Variants in MTA3 observed in about 807,000 individuals in gnomAD.
The protein encoded by MTA3 is metastasis associated 1 family member 3, also known as metastasis-associated protein MTA3.
Under a neutral mutation model 83.5 loss-of-function variants are expected in MTA3, and 34 were observed. The ratio of observed to expected loss-of-function variants is 0.41; its 90% CI spans 0.31 to 0.54. MTA3 has a LOEUF of 0.54. Among genes scored for constraint, MTA3 ranks in the 20% least tolerant of loss-of-function variants. The pLI, the probability that MTA3 is intolerant of heterozygous loss-of-function variation, is 0.33. For synonymous variants in MTA3, 303 were observed against 252.7 expected (o/e 1.20, Z -1.89); for missense variants, 761 against 726.4 (o/e 1.05, Z -0.55).
chr2:42,499,484 G>A (rs1558398463), intron 2 of MTA3, among the ~76,000 whole-genome samples: 4 of 150,634 alleles, frequency 2.7e-5, no homozygotes, highest in Admixed American at 2.0e-4. Context: ...TCTTATAGGT[G>A]TTCTTATCAT....
intron 4 of MTA3, among the ~76,000 whole-genome samples, chr2:42,623,844 C>T (rs1685816346): frequency 6.6e-6 from 1 of 152,084 alleles, no homozygotes; most frequent in Non-Finnish European, 1.5e-5. Context: ...GTGTGCGCCA[C>T]TACACCCGGC....
chr2:42,708,044 C>G lies in MTA3; in HGVS notation c.1292C>G (p.Pro431Arg). The G allele has an allele frequency of 1.2e-6, 2 of 1,607,458 alleles. No homozygotes were observed. Among genetic ancestry groups the G allele is most frequent in the Non-Finnish European group, 1.7e-6 (2 of 1,178,122 alleles). Residue 431 changes from proline (P) to arginine (R), a missense_variant, in exon 13 of 17, where the codon CCA (proline) becomes CGA (arginine). Pro to Arg is a moderately radical substitution (Grantham distance 103, BLOSUM62 -2). Transcript: ENST00000405094. ...GAAGAAGAGAAGTTATCTCCTAGCC[C>G]AACTACAGAGGTACAGTAGTCTTTT... ...QSEEEKLSPS[P>R]TTEDPRVRSH... is the part of the protein sequence containing the mutation.
chr2:42,585,477 T>C (rs1233113363), intron 3 of MTA3, among the ~76,000 whole-genome samples: 1 of 53,306 alleles, frequency 1.9e-5, no homozygotes, highest in Non-Finnish European at 3.6e-5. Context: ...CTTTCTTTTC[T>C]TTTTTTTTTT....
intron 7 of MTA3, among the ~76,000 whole-genome samples, chr2:42,656,875 CAT>C (rs1301821346): frequency 1.3e-5 from 2 of 152,146 alleles, no homozygotes; most frequent in Admixed American, 6.5e-5. Flanking sequence ...GAGGTATACT[CAT>C]ATAGTGAAAT....
intron 2 of MTA3, among the ~76,000 whole-genome samples, chr2:42,510,584 GAC>G (rs1247251085): frequency 3.3e-5 from 5 of 152,168 alleles, no homozygotes; most frequent in Admixed American, 6.6e-5. Flanking sequence ...ATATCTTAAT[GAC>G]ACTGTCATGA....
chr2:42,747,374 G>A (rs547190764), intron 16 of MTA3, among the ~76,000 whole-genome samples: 1 of 152,112 alleles, frequency 6.6e-6, no homozygotes, highest in Non-Finnish European at 1.5e-5. Flanking sequence ...CTGAAATGAG[G>A]GTCTTTTGGC....
At chr2:42,589,432 A>G (rs1680708420) in intron 3 of MTA3, among the ~76,000 whole-genome samples, 1 of 152,242 alleles carries the variant, frequency 6.6e-6, no homozygotes, top group Non-Finnish European at 1.5e-5. Flanking sequence ...TGGCAAAGCC[A>G]GTCTTCCCTG....
At chr2:42,611,819 AAAT>A (rs1398979747) in intron 4 of MTA3, among the ~76,000 whole-genome samples, 2 of 152,198 alleles carry the variant, frequency 1.3e-5, no homozygotes, top group Non-Finnish European at 2.9e-5. Context: ...TATGTGAAAT[AAAT>A]AATAAATAGG....
chr2:42,563,506 G>C (rs568455154), intron 2 of MTA3, among the ~76,000 whole-genome samples: 2 of 151,750 alleles, frequency 1.3e-5, no homozygotes, highest in African/African-American at 4.8e-5. Flanking sequence ...CTCACTTTTC[G>C]CCCAGGCTGG....
At chr2:42,673,386 T>G (rs1691020832) in intron 8 of MTA3, among the ~76,000 whole-genome samples, 1 of 152,142 alleles carries the variant, frequency 6.6e-6, no homozygotes, top group African/African-American at 2.4e-5. Context: ...AATTTTTGCT[T>G]TGTTTTGTTT....
At chr2:42,727,890 A>G (rs772635123) in intron 16 of MTA3, among the ~76,000 whole-genome samples, 1 of 152,200 alleles carries the variant, frequency 6.6e-6, no homozygotes, top group Admixed American at 6.5e-5. Context: ...TATAATGCTT[A>G]ATAATCACAT....
At chr2:42,719,097 A>C (rs1349751489) in intron 15 of MTA3, 23 bp downstream of exon 15, 2 of 1,506,344 alleles carry the variant, frequency 1.3e-6, no homozygotes, top group South Asian at 1.2e-5. Flanking sequence ...TAATAGAGGA[A>C]AAACTCAAAG....
upstream of MTA3, among the ~76,000 whole-genome samples, chr2:42,565,584 G>T (rs1305409745): frequency 6.6e-6 from 1 of 152,178 alleles, no homozygotes; most frequent in Admixed American, 6.5e-5. Context: ...GGAAGGGCTG[G>T]ATTTGCCCTG....
rs1386197273 is a variant in MTA3 at position 42,655,893 on chromosome 2, G to T, written c.500-307G>T. Among the ~76,000 whole-genome samples, 6 of 152,296 alleles carry T rather than the reference G, an allele frequency of 3.9e-5. No individual in the cohort carries two copies. The East Asian group carries it at 9.6e-4, about 24-fold the overall frequency. Reference sequence around the variant, plus strand: ...GCCGAGATTACAGGTGCAGGCCACCGCACCCAGCCTGTTGCATTTTCATCT... The same window carrying T: ...GCCGAGATTACAGGTGCAGGCCACCTCACCCAGCCTGTTGCATTTTCATCT... On this transcript the variant is annotated intron_variant, in intron 6 of 16. Coordinates refer to ENST00000405094, the MANE Select transcript of MTA3 (RefSeq NM_001330442.2).
intron 5 of MTA3, among the ~76,000 whole-genome samples, chr2:42,641,722 C>G (rs557857258): frequency 2.0e-5 from 3 of 151,970 alleles, no homozygotes; most frequent in African/African-American, 7.3e-5. Context: ...AAAAATTAAC[C>G]GGGCGTGGTG....
chr2:42,529,516 C>T (rs1297805846), intron 2 of MTA3, among the ~76,000 whole-genome samples: 2 of 152,208 alleles, frequency 1.3e-5, no homozygotes, highest in Non-Finnish European at 2.9e-5. Context: ...GTCCTGTACC[C>T]TCGTTTTTAT....
chr2:42,669,881 AAG>A (rs1382957400), intron 8 of MTA3, among the ~76,000 whole-genome samples: 2 of 152,228 alleles, frequency 1.3e-5, no homozygotes, highest in Non-Finnish European at 2.9e-5. Flanking sequence ...GAGAAATAGA[AAG>A]AGAATTGTTT....
In MTA3 at chr2:42,756,452, G is replaced by C. The variant is rs1160208746; in HGVS notation, c.*3053G>C. The stretch of plus-strand genomic sequence containing the variant: ...CCCTGCCACTCAGAGCAGAGCAGGG[G>C]GCTGAGGGCAAGCAGGTGGGGCTGT... On this transcript the variant is annotated 3_prime_UTR_variant, in exon 17 of 17. Transcript: ENST00000405094. 10 of 985,488 alleles carry C rather than the reference G, an allele frequency of 1.0e-5. No individual in the cohort carries two copies. The highest frequency in any genetic ancestry group is 1.2e-5 in the Non-Finnish European group (10 of 829,980). The allele number at this position is 985,488 out of a possible 1,614,324, so 61.0% of individuals were successfully genotyped here.
chr2:42,756,530 C>CTGCTGTCCTAAGTCCCTGGCGAGGGGAGG lies in MTA3; in HGVS notation c.*3134_*3162dup. ...GTCTGAGCCTGGTGTTTATGCCCCA[C>CTGCTGTCCTAAGTCCCTGGCGAGGGGAGG]TGCTGTCCTAAGTCCCTGGCGAGGG... is the stretch of plus-strand genomic sequence containing the variant. On this transcript the variant is annotated 3_prime_UTR_variant, in exon 17 of 17. Transcript: ENST00000405094. 1.0e-6 allele frequency: 1 copy of CTGCTGTCCTAAGTCCCTGGCGAGGGGAGG among 985,710 alleles called. No homozygotes were observed. The highest frequency in any genetic ancestry group is 1.2e-6 in the Non-Finnish European group (1 of 830,250). The allele number at this position is 985,710 out of a possible 1,614,324, so 61.1% of individuals were successfully genotyped here.
Sources: gnomAD v4.1 joint callset for allele counts (sites outside exome capture counted in the v4.1 genomes callset) on GRCh38, gnomAD v4.1.1 for gene constraint, MANE v1.5 for transcripts, NCBI Gene and HGNC (gene_info 2026-07-23, HGNC 2026-07-21) for gene names.